Variants in NEK10 observed in about 807,000 individuals in gnomAD.
NEK10 encodes NIMA related kinase 10.
NEK10 carries 122 observed loss-of-function variants against 159.8 expected under a neutral mutation model. The ratio of observed to expected loss-of-function variants is 0.76; its 90% confidence interval spans 0.66 to 0.89. The LOEUF (loss-of-function observed/expected upper bound fraction) is 0.89, where lower values mean the gene tolerates loss of function less well. Ranked by LOEUF, NEK10 falls within the 40% of genes least tolerant of loss-of-function variation. The probability of loss-of-function intolerance (pLI) is 0.00; values close to 1 mark genes in which losing one functional copy is unlikely to be tolerated. For missense variants in NEK10, 1,342 were observed against 1,323.1 expected (o/e 1.01, Z -0.22); for synonymous variants, 466 against 457.1 (o/e 1.02, Z -0.25).
At chr3:27,151,233 C>G (rs916878650) in intron 30 of NEK10, among the ~76,000 whole-genome samples, 1 of 152,114 alleles carries the variant, frequency 6.6e-6, no homozygotes, top group African/African-American at 2.4e-5. Flanking sequence ...ACCAAAGAAC[C>G]CTTATGGAGT....
intron 30 of NEK10, among the ~76,000 whole-genome samples, chr3:27,155,309 C>A (rs1945289694): frequency 6.6e-6 from 1 of 151,978 alleles, no homozygotes; most frequent in Non-Finnish European, 1.5e-5. Context: ...CGAGACCATC[C>A]TGGCCAACAT....
chr3:27,261,507 T>C (rs2040410462), intron 22 of NEK10, among the ~76,000 whole-genome samples: 1 of 152,246 alleles, frequency 6.6e-6, no homozygotes, highest in Non-Finnish European at 1.5e-5. Flanking sequence ...GAGAAGGTTG[T>C]TCAGTTTCCA....
rs539337040 is a variant in NEK10, at chr3:27,215,316, C to A, written c.2091-12759G>T. Among the ~76,000 whole-genome samples the A allele has an allele frequency of 5.9e-5, 9 of 152,290 alleles. No individual in the cohort carries two copies. The East Asian group carries it at 1.5e-3, about 26-fold the overall frequency. On this transcript the variant is annotated intron_variant, in intron 23 of 35. Coordinates refer to ENST00000691995, the MANE Select transcript of NEK10 (RefSeq NM_001394966.1). ...ATCTGGGTAACCCATGGGATGCCAA[C>A]TCTATATGGAGAGAATAAACTATTT...
chr3:27,244,956 T>A (rs963338536), intron 23 of NEK10, among the ~76,000 whole-genome samples: 3 of 152,114 alleles, frequency 2.0e-5, no homozygotes, highest in Non-Finnish European at 4.4e-5. Context: ...GCTACCACAC[T>A]TTTTCCAATG....
chr3:27,320,398 C>T lies in NEK10; in HGVS notation c.447+1779G>A, dbSNP rs187767002. 1.3e-3 allele frequency among the ~76,000 whole-genome samples: 203 copies of T among 152,292 alleles called. 1 individual carries two copies. The highest frequency in any genetic ancestry group is 1.5e-3 in the Non-Finnish European group (101 of 68,020). On this transcript the variant is annotated intron_variant, in intron 6 of 35. Coordinates refer to ENST00000691995, the MANE Select transcript of NEK10 (RefSeq NM_001394966.1). ...TTCAAGTCAGATTAACTGGACCTTCCTCCTGGAAAACGTTATTAATATTAC... is the reference window on the plus strand; with the variant it reads ...TTCAAGTCAGATTAACTGGACCTTCTTCCTGGAAAACGTTATTAATATTAC...
chr3:27,273,637 G>A (rs2041546670), intron 22 of NEK10, among the ~76,000 whole-genome samples: 1 of 152,134 alleles, frequency 6.6e-6, no homozygotes, highest in African/African-American at 2.4e-5. Flanking sequence ...TGAGTAAAAT[G>A]AAAATAATTA....
intron 22 of NEK10, among the ~76,000 whole-genome samples, chr3:27,260,184 C>T (rs1476843730): frequency 2.0e-5 from 3 of 152,088 alleles, no homozygotes; most frequent in Admixed American, 2.0e-4. Flanking sequence ...ATTTGACTTC[C>T]TTGTTTCCTA....
chr3:27,314,084 A>C (rs1472954683), intron 7 of NEK10, among the ~76,000 whole-genome samples: 1 of 152,188 alleles, frequency 6.6e-6, no homozygotes, highest in Non-Finnish European at 1.5e-5. Context: ...CAGGCTGAGT[A>C]AAGTGAGCCC....
At chr3:27,122,489 CT>C (rs1941454318) in intron 32 of NEK10, among the ~76,000 whole-genome samples, 1 of 152,130 alleles carries the variant, frequency 6.6e-6, no homozygotes, top group South Asian at 2.1e-4. Flanking sequence ...TAAAAACTTT[CT>C]CATCTGTGCT....
intron 35 of NEK10, among the ~76,000 whole-genome samples, chr3:27,113,707 T>G (rs565637009): frequency 4.5e-4 from 68 of 152,332 alleles, no homozygotes; most frequent in Non-Finnish European, 8.2e-4. Context: ...AAGCCATATG[T>G]CTTTGGAACT....
intron 22 of NEK10, among the ~76,000 whole-genome samples, chr3:27,261,337 C>G (rs1260509762): frequency 6.6e-6 from 1 of 152,164 alleles, no homozygotes; most frequent in African/African-American, 2.4e-5. Context: ...TTAGATCTTT[C>G]CTGCTTTCTC....
intron 23 of NEK10, among the ~76,000 whole-genome samples, chr3:27,235,449 C>A (rs1387978350): frequency 6.6e-6 from 1 of 151,998 alleles, no homozygotes; most frequent in Non-Finnish European, 1.5e-5. Context: ...AAAAAGTGGG[C>A]AAAGGACATG....
At chr3:27,274,652 C>T (rs2041632970) in intron 22 of NEK10, among the ~76,000 whole-genome samples, 1 of 151,628 alleles carries the variant, frequency 6.6e-6, no homozygotes, top group Admixed American at 6.6e-5. Flanking sequence ...TGCAGGCATA[C>T]ACACACACAC....
intron 26 of NEK10, among the ~76,000 whole-genome samples, chr3:27,178,890 C>A (rs149062934): frequency 6.6e-6 from 1 of 152,158 alleles, no homozygotes. Context: ...CCACCCCCTA[C>A]CCAGTGGTAG....
At chr3:27,287,052 T>G (rs2042670530) in intron 20 of NEK10, among the ~76,000 whole-genome samples, 1 of 150,814 alleles carries the variant, frequency 6.6e-6, no homozygotes, top group Admixed American at 6.6e-5. Context: ...ATTCTTCAAG[T>G]GGAGATTTAT....
chr3:27,238,746 C>CATGTGT lies in NEK10; in HGVS notation c.2090+17549_2090+17550insACACAT, dbSNP rs201471285. Among the ~76,000 whole-genome samples the CATGTGT allele has an allele frequency of 3.3e-4, 46 of 138,138 alleles. No individual in the cohort carries two copies. In the East Asian group the frequency reaches 9.2e-3, roughly 28 times the overall value. 90.6% of individuals were successfully genotyped at this position (138,138 alleles called of 152,430 possible). On this transcript the variant is annotated intron_variant, in intron 23 of 35. Coordinates refer to ENST00000691995, the MANE Select transcript of NEK10 (RefSeq NM_001394966.1). ...TATTTATCTAACCAACCTCCCCTTTCGTGTGTGTGTGTGTGTGTGTGTGTG... is the reference window on the plus strand; with the variant it reads ...TATTTATCTAACCAACCTCCCCTTTCATGTGTGTGTGTGTGTGTGTGTGTGTGTGTG...
intron 26 of NEK10, among the ~76,000 whole-genome samples, chr3:27,183,656 A>G (rs1460903354): frequency 6.6e-6 from 1 of 152,092 alleles, no homozygotes; most frequent in Non-Finnish European, 1.5e-5. Context: ...GCCATAGACT[A>G]TACAAAATGT....
intron 1 of NEK10, among the ~76,000 whole-genome samples, chr3:27,357,673 C>G (rs2048410191): frequency 6.6e-6 from 1 of 152,182 alleles, no homozygotes. Context: ...TTTATCTGCT[C>G]ATGGACCAGT....
chr3:27,359,699 G>A (rs183063925), intron 1 of NEK10, among the ~76,000 whole-genome samples: 93 of 152,336 alleles, frequency 6.1e-4, no homozygotes, highest in African/African-American at 2.0e-3. Flanking sequence ...CTGTAACATG[G>A]TGATGACAAA....
Sources: gnomAD v4.1 joint callset for allele counts (sites outside exome capture counted in the v4.1 genomes callset) on GRCh38, gnomAD v4.1.1 for gene constraint, MANE v1.5 for transcripts, NCBI Gene and HGNC (gene_info 2026-07-23, HGNC 2026-07-21) for gene names.